Variants in GPC5 observed in about 807,000 individuals in gnomAD.
GPC5 encodes the protein glypican 5.
In GPC5, 47 loss-of-function variants were observed where a neutral mutation model predicts 53.9. That is an observed-to-expected ratio of 0.87 (90% confidence interval 0.69 to 1.11). GPC5 has a LOEUF of 1.11. Among genes scored for constraint, GPC5 ranks in the 50% most tolerant of loss-of-function variants. GPC5 has a pLI of 0.00. For synonymous variants in GPC5, 286 were observed against 263.3 expected (o/e 1.09, Z -0.84); for missense variants, 748 against 713.1 (o/e 1.05, Z -0.56).
intron 6 of GPC5, among the ~76,000 whole-genome samples, chr13:92,001,835 T>C (rs1425742372): frequency 6.6e-6 from 1 of 152,154 alleles, no homozygotes; most frequent in Non-Finnish European, 1.5e-5. Flanking sequence ...AAAGAAAATA[T>C]TAGTGAATTG....
rs1042186678 is a variant in GPC5 at position 92,780,241 on chromosome 13, T to C, written c.1562-86041T>C. ...ACTTAATACTTTGCTACAATGTCTT[T>C]GATTATAGTTCCTTGTAATTTATAT... On this transcript the variant is annotated intron_variant, in intron 7 of 7. Transcript: ENST00000377067. 4.6e-5 allele frequency among the ~76,000 whole-genome samples: 7 copies of C among 151,922 alleles called. No homozygotes were observed. The South Asian group carries it at 1.4e-3, about 31-fold the overall frequency.
At chr13:92,313,024 T>A (rs532283002) in intron 7 of GPC5, among the ~76,000 whole-genome samples, 5 of 151,996 alleles carry the variant, frequency 3.3e-5, no homozygotes, top group African/African-American at 4.8e-5. Context: ...TAATGTGGAG[T>A]TAATGATGGG....
At chr13:92,864,986 T>G (rs1879295838) in intron 7 of GPC5, among the ~76,000 whole-genome samples, 1 of 152,176 alleles carries the variant, frequency 6.6e-6, no homozygotes, top group Non-Finnish European at 1.5e-5. Context: ...TTTAAATCTG[T>G]TAATTGTGAC....
chr13:92,763,693 A>T (rs1388392306), intron 7 of GPC5, among the ~76,000 whole-genome samples: 1 of 152,070 alleles, frequency 6.6e-6, no homozygotes, highest in Non-Finnish European at 1.5e-5. Context: ...GAAGAATTGG[A>T]TGTAAAATGT....
At chr13:92,070,639 T>C (rs1191176207) in intron 6 of GPC5, among the ~76,000 whole-genome samples, 1 of 152,222 alleles carries the variant, frequency 6.6e-6, no homozygotes, top group Non-Finnish European at 1.5e-5. Flanking sequence ...GCATCAATTG[T>C]TGAATACATA....
At chr13:92,025,165 CT>C (rs1468783829) in intron 6 of GPC5, among the ~76,000 whole-genome samples, 1 of 152,076 alleles carries the variant, frequency 6.6e-6, no homozygotes, top group Non-Finnish European at 1.5e-5. Flanking sequence ...CAGAATATGG[CT>C]GCTTCACTCT....
chr13:91,945,769 T>C (rs1045503030), intron 6 of GPC5, among the ~76,000 whole-genome samples: 11 of 152,270 alleles, frequency 7.2e-5, no homozygotes, highest in Middle Eastern at 3.4e-3. Context: ...CCAAAATGGT[T>C]TGGGACAATT....
intron 7 of GPC5, among the ~76,000 whole-genome samples, chr13:92,785,018 T>G (rs1566417368): frequency 6.6e-6 from 1 of 152,240 alleles, no homozygotes. Context: ...GGCTCACGCC[T>G]GTAATCCCAG....
chr13:91,674,637 G>A (rs543603119), intron 2 of GPC5, among the ~76,000 whole-genome samples: 12 of 138,064 alleles, frequency 8.7e-5, no homozygotes, highest in East Asian at 4.1e-4. Context: ...ATATATATGC[G>A]TATGTGTATT....
chr13:91,471,518 G>A (rs1882624815), intron 2 of GPC5, among the ~76,000 whole-genome samples: 2 of 152,144 alleles, frequency 1.3e-5, no homozygotes, highest in Admixed American at 1.3e-4. Context: ...AGAAGTTAGA[G>A]AGGTGCTGTC....
At chr13:91,864,455 A>C (rs1457835208) in intron 5 of GPC5, among the ~76,000 whole-genome samples, 1 of 152,164 alleles carries the variant, frequency 6.6e-6, no homozygotes, top group Non-Finnish European at 1.5e-5. Context: ...TGTGCTTTAG[A>C]TGCAATAGAA....
In GPC5 at chr13:91,715,013, G is replaced by A. The variant is rs553337420; in HGVS notation, c.1021-13519G>A. Reference sequence around the variant, plus strand: ...GCAGCTCAGGGCAGTTCTGTAAGTCGTGTTTATACCTACTTCTAATTACAT... The same window carrying A: ...GCAGCTCAGGGCAGTTCTGTAAGTCATGTTTATACCTACTTCTAATTACAT... On this transcript the variant is annotated intron_variant, in intron 3 of 7. Coordinates refer to ENST00000377067, the MANE Select transcript of GPC5 (RefSeq NM_004466.6). Among the ~76,000 whole-genome samples, 8 of 152,346 alleles carry A rather than the reference G, an allele frequency of 5.3e-5. No individual in the cohort carries two copies. The South Asian group carries it at 1.4e-3, about 28-fold the overall frequency.
chr13:92,077,936 G>A (rs1218332378), intron 6 of GPC5, among the ~76,000 whole-genome samples: 1 of 151,956 alleles, frequency 6.6e-6, no homozygotes, highest in Non-Finnish European at 1.5e-5. Context: ...AGATAGCTAG[G>A]TAGATACAGA....
intron 7 of GPC5, among the ~76,000 whole-genome samples, chr13:92,283,185 G>C (rs2042929223): frequency 6.6e-6 from 1 of 152,180 alleles, no homozygotes; most frequent in African/African-American, 2.4e-5. Context: ...TCAATAAGAA[G>C]AGCTAAATAT....
At chr13:91,606,332 T>G (rs899619079) in intron 2 of GPC5, among the ~76,000 whole-genome samples, 2 of 148,800 alleles carry the variant, frequency 1.3e-5, no homozygotes, top group Admixed American at 6.7e-5. Context: ...ATAAGCTTTT[T>G]GATGTGCTGC....
At chr13:92,038,415 G>A (rs535352560) in intron 6 of GPC5, among the ~76,000 whole-genome samples, 34 of 150,900 alleles carry the variant, frequency 2.3e-4, no homozygotes, top group East Asian at 1.8e-3. Context: ...TGTTTGGGTG[G>A]GGCATGGGAT....
intron 7 of GPC5, among the ~76,000 whole-genome samples, chr13:92,486,883 T>C (rs117361652): frequency 6.2e-4 from 93 of 149,892 alleles, no homozygotes; most frequent in Non-Finnish European, 1.1e-3. Flanking sequence ...TCAGATGGAG[T>C]CTCGCTCTAT....
chr13:92,466,920 A>T (rs979156115), intron 7 of GPC5, among the ~76,000 whole-genome samples: 1 of 152,162 alleles, frequency 6.6e-6, no homozygotes, highest in Non-Finnish European at 1.5e-5. Context: ...TTACATTTTG[A>T]TTCAGTTGAG....
chr13:91,879,563 T>C (rs941922683), intron 5 of GPC5, among the ~76,000 whole-genome samples: 4 of 152,124 alleles, frequency 2.6e-5, no homozygotes, highest in African/African-American at 7.2e-5. Flanking sequence ...GTAACCTCAG[T>C]TGGGGAAGGA....
Sources: gnomAD v4.1 joint callset for allele counts (sites outside exome capture counted in the v4.1 genomes callset) on GRCh38, gnomAD v4.1.1 for gene constraint, MANE v1.5 for transcripts, NCBI Gene and HGNC (gene_info 2026-07-23, HGNC 2026-07-21) for gene names.